Variants in NUP153 observed in about 807,000 individuals in gnomAD.
The protein encoded by NUP153 is nuclear pore complex protein Nup153.
In NUP153, 27 loss-of-function variants were observed where a neutral mutation model predicts 134.6. The ratio of observed to expected loss-of-function variants is 0.20; its 90% CI spans 0.15 to 0.28. The LOEUF is 0.28. Among genes scored for constraint, NUP153 ranks in the 10% least tolerant of loss-of-function variants. NUP153 has a pLI of 1.00. For synonymous variants in NUP153, 640 were observed against 623.5 expected (o/e 1.03, Z -0.40); for missense variants, 1,821 against 1,731.3 (o/e 1.05, Z -0.92).
intron 20 of NUP153, among the ~76,000 whole-genome samples, chr6:17,618,729 C>A (rs1204553745): frequency 1.3e-5 from 2 of 151,966 alleles, no homozygotes; most frequent in African/African-American, 4.8e-5. Flanking sequence ...CCACGCCTGG[C>A]TAATTTTTTG....
chr6:17,692,545 G>A (rs550239428), intron 1 of NUP153, among the ~76,000 whole-genome samples: 2 of 152,216 alleles, frequency 1.3e-5, no homozygotes, highest in African/African-American at 2.4e-5. Context: ...GAGGGAGGAT[G>A]GGAAGAAGGA....
Position 17,706,368 on chromosome 6 carries a change from C to T in NUP153, c.20G>A (p.Gly7Glu), listed in dbSNP as rs916762894. ...CTTGCCGCCACCGCCCCCTCCGACT[C>T]CTCCGGCTCCCGAGGCCATGGCGGA... MASGAG[G>E]VGGGGGGKIR... The change falls in exon 1 of 22, where the codon GGA becomes GAA. Residue 7 changes from glycine to glutamate, a missense_variant. Coordinates refer to ENST00000262077, the MANE Select transcript of NUP153 (RefSeq NM_005124.4). This position sits in a 1 kb window ranked among gnomAD's most constrained non-coding sequence, Gnocchi z 5.9. 6 of 1,612,474 alleles carry T rather than the reference C, an allele frequency of 3.7e-6. No individual in the cohort carries two copies. The highest frequency in any genetic ancestry group is 5.1e-6 in the Non-Finnish European group (6 of 1,179,630).
chr6:17,642,274 A>C lies in NUP153; in HGVS notation c.1721-2210T>G, dbSNP rs553970132. 3.3e-5 allele frequency among the ~76,000 whole-genome samples: 5 copies of C among 152,234 alleles called. No individual in the cohort carries two copies. The South Asian group carries it at 8.3e-4, about 25-fold the overall frequency. ...CTGTCCATTCAAGGAAATTATCAAG[A>C]AAGTGAAAAGACAATCTATAAATGG... On this transcript the variant is annotated intron_variant, in intron 14 of 21. Transcript: ENST00000262077.
rs771890729 is a variant in NUP153 at position 17,669,550 on chromosome 6, T to C, written c.853-4A>G. 8.9e-6 allele frequency: 14 copies of C among 1,569,114 alleles called. No homozygotes were observed. Among genetic ancestry groups the C allele is most frequent in the Non-Finnish European group, 1.2e-5 (14 of 1,138,948 alleles). ...TCATTTGTCTTCTAACTGGTGCCTG[T>C]AAAGTAAACCCTATATTATTTGTTG... On this transcript the variant is annotated splice_region_variant and splice_polypyrimidine_tract_variant and intron_variant, in intron 5 of 21. Transcript: ENST00000262077.
In NUP153 at chr6:17,675,233, G is replaced by T. The variant is rs762062312; in HGVS notation, c.719C>A (p.Ser240Tyr). 4 of 1,614,104 alleles carry T rather than the reference G, an allele frequency of 2.5e-6. No individual in the cohort carries two copies. Among genetic ancestry groups the T allele is most frequent in the Admixed American group, 1.7e-5 (1 of 60,020 alleles). ...AFNLSAFGTL[S>Y]PSLGNSSILK... Reference sequence around the variant, plus strand: ...TCCAACCCAGTTAGTACTCACAGGGGAAAGTGTTCCAAAGGCAGACAAGTT... The same window carrying T: ...TCCAACCCAGTTAGTACTCACAGGGTAAAGTGTTCCAAAGGCAGACAAGTT... Residue 240 changes from serine to tyrosine, a missense_variant, in exon 4 of 22, where the codon TCC (serine) becomes TAC (tyrosine). Coordinates refer to ENST00000262077, the MANE Select transcript of NUP153 (RefSeq NM_005124.4). The surrounding 1 kb of genome is among the most constrained non-coding windows in gnomAD (Gnocchi z 4.4).
At position 17,625,568 on chromosome 6, in the gene NUP153, TAAG is replaced by T. The variant is rs1764890215; in HGVS notation, c.3901+237_3901+239del. ...AACAAAAAACAAAGCTTAGAAAAAT[TAAG>T]TATTACACTCTTACCACAATTAGAA... On this transcript the variant is annotated intron_variant, in intron 19 of 21. Transcript: ENST00000262077. The surrounding 1 kb of genome is among the most constrained non-coding windows in gnomAD (Gnocchi z 4.7). Among the ~76,000 whole-genome samples the T allele has an allele frequency of 6.6e-6, 1 of 151,952 alleles. No individual in the cohort carries two copies. Among genetic ancestry groups the T allele is most frequent in the South Asian group, 2.1e-4 (1 of 4,824 alleles).
At chr6:17,663,980 GCATTATT>G (rs746817835) in intron 9 of NUP153, among the ~76,000 whole-genome samples, 21 of 151,812 alleles carry the variant, frequency 1.4e-4, no homozygotes, top group Admixed American at 5.3e-4. Context: ...GTTGACAGGA[GCATTATT>G]CATTACAGCC....
chr6:17,662,494 G>T (rs1377887861), intron 9 of NUP153, among the ~76,000 whole-genome samples: 1 of 152,126 alleles, frequency 6.6e-6, no homozygotes, highest in Non-Finnish European at 1.5e-5. Context: ...CAGGGCTGGG[G>T]CAGGAAATGC....
rs1050537918 is a variant in NUP153 at position 17,628,857 on chromosome 6, A to G, written c.3342T>C (p.Thr1114=). 1 of 1,614,218 alleles carries G rather than the reference A, an allele frequency of 6.2e-7. No individual in the cohort carries two copies. The highest frequency in any genetic ancestry group is 8.5e-7 in the Non-Finnish European group (1 of 1,180,018). ...CAGCTTTCTTCCCAAAAACTAGGGA[A>G]GTAGAAGTGACAGGCTCTTGCTGTT... ...EEKQQEPVTS[T]SLVFGKKADN... The change falls in exon 18 of 22, where the codon ACT becomes ACC. Residue 1114 remains threonine (T), a synonymous_variant. Coordinates refer to ENST00000262077, the MANE Select transcript of NUP153 (RefSeq NM_005124.4). This position sits in a 1 kb window ranked among gnomAD's most constrained non-coding sequence, Gnocchi z 5.4.
At chr6:17,646,406 C>G (rs1766184828) in intron 13 of NUP153, among the ~76,000 whole-genome samples, 1 of 152,072 alleles carries the variant, frequency 6.6e-6, no homozygotes, top group African/African-American at 2.4e-5. Flanking sequence ...TGGGGTTTCA[C>G]TGTGTTAGCC....
At chr6:17,655,856 T>G (rs1330348505) in intron 11 of NUP153, among the ~76,000 whole-genome samples, 1 of 152,198 alleles carries the variant, frequency 6.6e-6, no homozygotes, top group Non-Finnish European at 1.5e-5. Flanking sequence ...CAAGCAGCAC[T>G]GCATTCAAAA....
intron 15 of NUP153, 127 bp downstream of exon 15, chr6:17,639,812 T>C: frequency 1.3e-6 from 1 of 757,220 alleles, no homozygotes; most frequent in Non-Finnish European, 2.0e-6. Flanking sequence ...TAACTACATC[T>C]CTATTCAAAA....
At position 17,701,126 on chromosome 6, in the gene NUP153, G is replaced by A. The variant is rs537735543; in HGVS notation, c.111+5151C>T. On this transcript the variant is annotated intron_variant, in intron 1 of 21. Coordinates refer to ENST00000262077, the MANE Select transcript of NUP153 (RefSeq NM_005124.4). The stretch of plus-strand genomic sequence containing the variant: ...TGTAATTCCAGCTACTTGGGAGGCT[G>A]AAGCAGGAGAGTTGCTTGAACCCAG... Among the ~76,000 whole-genome samples, 124 of 152,080 alleles carry A rather than the reference G, an allele frequency of 8.2e-4. 1 individual carries two copies. Among genetic ancestry groups the A allele is most frequent in the African/African-American group, 2.9e-3 (119 of 41,480 alleles).
At chr6:17,636,771 C>T (rs779573552) in intron 16 of NUP153, among the ~76,000 whole-genome samples, 20 of 152,174 alleles carry the variant, frequency 1.3e-4, no homozygotes, top group Non-Finnish European at 2.8e-4. Context: ...CCTAAAGAAA[C>T]CTTCCCTGTA....
rs780265154 is a variant in NUP153 at position 17,639,950 on chromosome 6, A to G, written c.1835T>C (p.Leu612Pro). The G allele has an allele frequency of 3.7e-6, 6 of 1,603,810 alleles. No homozygotes were observed. The Admixed American group carries it at 1.1e-4, about 28-fold the overall frequency. ...ILKEGSVLDILKSPGFASPKI... is the reference protein window; with the variant it reads ...ILKEGSVLDIPKSPGFASPKI... ...TTTAATTATCTTACCAGGGCTTTTCAGAATATCTAGAACACTTCCTTCTTT... is the reference window on the plus strand; with the variant it reads ...TTTAATTATCTTACCAGGGCTTTTCGGAATATCTAGAACACTTCCTTCTTT... The change falls in exon 15 of 22, where the codon CTG (leucine) becomes CCG (proline). Residue 612 changes from leucine (L) to proline (P), a missense_variant. Transcript: ENST00000262077.
chr6:17,666,758 C>T (rs758030923), intron 8 of NUP153, among the ~76,000 whole-genome samples: 7 of 152,168 alleles, frequency 4.6e-5, no homozygotes, highest in Non-Finnish European at 1.0e-4. Flanking sequence ...TAGTAAAAAT[C>T]CTGTTGGTAT....
At chr6:17,698,465 G>T (rs1190681319) in intron 1 of NUP153, among the ~76,000 whole-genome samples, 1 of 152,080 alleles carries the variant, frequency 6.6e-6, no homozygotes, top group Non-Finnish European at 1.5e-5. Context: ...GCAGCCGGGC[G>T]TGGTGGCTCA....
intron 10 of NUP153, 45 bp downstream of exon 10, chr6:17,661,973 C>A: frequency 7.1e-7 from 1 of 1,418,116 alleles, no homozygotes; most frequent in Non-Finnish European, 9.9e-7. Flanking sequence ...ACAGACCTTA[C>A]AAGTTAAATA....
At chr6:17,665,725 T>G (rs915085877) in intron 8 of NUP153, among the ~76,000 whole-genome samples, 6 of 141,206 alleles carry the variant, frequency 4.2e-5, no homozygotes, top group Non-Finnish European at 9.5e-5. Context: ...CAGTTTTTTG[T>G]TTTTTTTTTT....
Sources: gnomAD v4.1 joint callset for allele counts (sites outside exome capture counted in the v4.1 genomes callset) on GRCh38, gnomAD v4.1.1 for gene constraint, Gnocchi (gnomAD v3.1) non-coding constraint, MANE v1.5 for transcripts, NCBI Gene and HGNC (gene_info 2026-07-23, HGNC 2026-07-21) for gene names.